Variants in ENOX1 observed in about 807,000 individuals in gnomAD.
ENOX1 encodes the protein ecto-NOX disulfide-thiol exchanger 1, also known as candidate growth-related and time keeping constitutive hydroquinone (NADH) oxidase.
Under a neutral mutation model 82.5 loss-of-function variants are expected in ENOX1, and 42 were observed. That is an observed-to-expected ratio of 0.51 (90% CI 0.40 to 0.66). The LOEUF is 0.66. Ranked by LOEUF, ENOX1 falls within the 30% of genes least tolerant of loss-of-function variation. ENOX1 has a pLI of 0.00. For synonymous variants in ENOX1, 271 were observed against 282.2 expected, an observed-to-expected ratio of 0.96 and a Z score of 0.40; for missense variants, 608 against 811.6, an observed-to-expected ratio of 0.75 and a Z score of 3.05.
At chr13:43,412,379 A>T (rs1233409995) in intron 4 of ENOX1, among the ~76,000 whole-genome samples, 1 of 152,222 alleles carries the variant, frequency 6.6e-6, no homozygotes, top group Non-Finnish European at 1.5e-5. Context: ...GAGGCAAAGC[A>T]GTAATACTCT....
intron 2 of ENOX1, among the ~76,000 whole-genome samples, chr13:43,576,942 C>G (rs1374080379): frequency 6.6e-6 from 1 of 152,034 alleles, no homozygotes; most frequent in Non-Finnish European, 1.5e-5. Flanking sequence ...GGTTTTACCC[C>G]CTTTATAATT....
At chr13:43,316,138 C>T (rs1324270733) in intron 11 of ENOX1, among the ~76,000 whole-genome samples, 1 of 152,178 alleles carries the variant, frequency 6.6e-6, no homozygotes, top group African/African-American at 2.4e-5. Context: ...ACTCATAGCA[C>T]TAAGCAAGAA....
intron 11 of ENOX1, among the ~76,000 whole-genome samples, chr13:43,310,402 ATTT>A: frequency 6.6e-6 from 1 of 151,920 alleles, no homozygotes; most frequent in East Asian, 1.9e-4. Flanking sequence ...ATATTCAATG[ATTT>A]TTTTAAAAAT....
chr13:43,457,685 C>A (rs926957784), intron 3 of ENOX1, among the ~76,000 whole-genome samples: 4 of 152,064 alleles, frequency 2.6e-5, no homozygotes, highest in African/African-American at 9.7e-5. Flanking sequence ...TAATTCCAAA[C>A]AATGATCACT....
intron 3 of ENOX1, among the ~76,000 whole-genome samples, chr13:43,477,305 T>C (rs991738818): frequency 1.3e-5 from 2 of 151,976 alleles, no homozygotes; most frequent in Admixed American, 1.3e-4. Context: ...CTGAAGAACA[T>C]TTTAAAATTT....
intron 2 of ENOX1, among the ~76,000 whole-genome samples, chr13:43,493,267 T>C (rs1472179324): frequency 6.6e-6 from 1 of 152,178 alleles, no homozygotes; most frequent in Non-Finnish European, 1.5e-5. Flanking sequence ...ATTAGGGGAA[T>C]TGGCTCACTT....
At chr13:43,634,409 T>C (rs117610242) in intron 2 of ENOX1, among the ~76,000 whole-genome samples, 1,804 of 152,324 alleles carry the variant, frequency 0.012, 21 homozygotes, top group South Asian at 0.026. Flanking sequence ...ATTTACCACC[T>C]ACGATGGATT....
chr13:43,328,391 T>G (rs1259111159), intron 9 of ENOX1, among the ~76,000 whole-genome samples: 1 of 152,128 alleles, frequency 6.6e-6, no homozygotes, highest in African/African-American at 2.4e-5. Flanking sequence ...TGGGCTTCGT[T>G]GCTTATAATA....
intron 2 of ENOX1, among the ~76,000 whole-genome samples, chr13:43,538,624 A>G (rs1027437647): frequency 2.0e-5 from 3 of 152,156 alleles, no homozygotes; most frequent in African/African-American, 4.8e-5. Flanking sequence ...TTACTTGCTA[A>G]TGTTTTCATC....
At chr13:43,779,413 C>G (rs553455832) in intron 1 of ENOX1, among the ~76,000 whole-genome samples, 6 of 152,250 alleles carry the variant, frequency 3.9e-5, no homozygotes, top group African/African-American at 7.2e-5. Flanking sequence ...ATGTCACTGG[C>G]TGAGGTCTAT....
At chr13:43,472,985 G>T (rs1248325624) in intron 3 of ENOX1, among the ~76,000 whole-genome samples, 1 of 152,172 alleles carries the variant, frequency 6.6e-6, no homozygotes, top group African/African-American at 2.4e-5. Context: ...GGAATAAAAG[G>T]GAGTAGAATT....
At position 43,783,773 on chromosome 13, in the gene ENOX1, C is replaced by T. The variant is rs142815960; in HGVS notation, c.-285+2879G>A. Reference sequence around the variant, plus strand: ...TCAGTTTATACTAGGCTTAAGAGGGCAATTGAAGTTAGATGCTTCATTTCA... The same window carrying T: ...TCAGTTTATACTAGGCTTAAGAGGGTAATTGAAGTTAGATGCTTCATTTCA... On this transcript the variant is annotated intron_variant, in intron 1 of 16. Coordinates refer to ENST00000690772, the MANE Select transcript of ENOX1 (RefSeq NM_001347969.2). Among the ~76,000 whole-genome samples, 194 of 152,112 alleles carry T rather than the reference C, an allele frequency of 1.3e-3. No homozygotes were observed. In the Middle Eastern group the frequency reaches 0.017, roughly 13 times the overall value.
intron 1 of ENOX1, among the ~76,000 whole-genome samples, chr13:43,722,018 T>G (rs2088615995): frequency 6.6e-6 from 1 of 152,166 alleles, no homozygotes; most frequent in African/African-American, 2.4e-5. Context: ...AGGGCCACCT[T>G]TGAACAGGAA....
At chr13:43,277,448 A>C (rs1277188369) in intron 12 of ENOX1, among the ~76,000 whole-genome samples, 1 of 152,154 alleles carries the variant, frequency 6.6e-6, no homozygotes, top group African/African-American at 2.4e-5. Flanking sequence ...GGTCATGCCT[A>C]TCATTACTCT....
intron 16 of ENOX1, 138 bp from the exon 17 acceptor site, chr13:43,214,259 G>T: frequency 1.2e-6 from 1 of 858,178 alleles, no homozygotes; most frequent in Non-Finnish European, 1.8e-6. Context: ...TGTCCTTATA[G>T]AAGGAACATT....
intron 5 of ENOX1, among the ~76,000 whole-genome samples, chr13:43,401,432 G>T (rs892217310): frequency 6.6e-6 from 1 of 152,164 alleles, no homozygotes; most frequent in Non-Finnish European, 1.5e-5. Context: ...TGTCTAGAAG[G>T]TTTCCAGGGC....
chr13:43,372,887 C>A (rs542508394), intron 5 of ENOX1, among the ~76,000 whole-genome samples: 1 of 152,094 alleles, frequency 6.6e-6, no homozygotes, highest in Admixed American at 6.5e-5. Flanking sequence ...GAGGGACCGT[C>A]CGAGTTCTAG....
intron 1 of ENOX1, among the ~76,000 whole-genome samples, chr13:43,677,801 C>A (rs1218371421): frequency 6.6e-6 from 1 of 152,198 alleles, no homozygotes; most frequent in Non-Finnish European, 1.5e-5. Context: ...GTGAAAGAAT[C>A]TGTATCCAAA....
chr13:43,505,747 T>C (rs1199808967), intron 2 of ENOX1, among the ~76,000 whole-genome samples: 1 of 152,146 alleles, frequency 6.6e-6, no homozygotes, highest in Non-Finnish European at 1.5e-5. Flanking sequence ...CAGAAGCTCT[T>C]TAGTTTAATT....
Sources: gnomAD v4.1 joint callset for allele counts (sites outside exome capture counted in the v4.1 genomes callset) on GRCh38, gnomAD v4.1.1 for gene constraint, MANE v1.5 for transcripts, NCBI Gene and HGNC (gene_info 2026-07-23, HGNC 2026-07-21) for gene names.